PPP2R2B: variants seen among roughly 807,000 people sequenced by gnomAD.
The protein encoded by PPP2R2B is protein phosphatase 2 regulatory subunit Bbeta, also known as serine/threonine-protein phosphatase 2A 55 kDa regulatory subunit B beta isoform.
A neutral mutation model predicts 46.0 loss-of-function variants in PPP2R2B; 5 were observed. The ratio of observed to expected loss-of-function variants is 0.11; its 90% CI spans 0.06 to 0.23. The LOEUF is 0.23. Ranked by LOEUF, PPP2R2B falls within the 10% of genes least tolerant of loss-of-function variation. PPP2R2B has a pLI of 1.00. For synonymous variants in PPP2R2B, 215 were observed against 206.7 expected, an observed-to-expected ratio of 1.04 and a Z score of -0.34; for missense variants, 367 against 575.0, an observed-to-expected ratio of 0.64 and a Z score of 3.70.
chr5:146,867,294 G>A (rs1761366884), intron 2 of PPP2R2B, among the ~76,000 whole-genome samples: 1 of 152,138 alleles, frequency 6.6e-6, no homozygotes, highest in Non-Finnish European at 1.5e-5. Context: ...TTTGTCATTT[G>A]GGGGACAGTT....
intron 2 of PPP2R2B, among the ~76,000 whole-genome samples, chr5:146,779,282 CT>C (rs1755366646): frequency 6.6e-6 from 1 of 152,104 alleles, no homozygotes; most frequent in African/African-American, 2.4e-5. Flanking sequence ...ACTGAAGGGG[CT>C]GGATGCTGGA....
intron 1 of PPP2R2B, among the ~76,000 whole-genome samples, chr5:146,962,651 A>T (rs1010220441): frequency 6.8e-6 from 1 of 146,928 alleles, no homozygotes; most frequent in Non-Finnish European, 1.5e-5. Flanking sequence ...TAAAAATAAT[A>T]AAAAAAAAAC....
chr5:146,758,489 T>C (rs1205007644), intron 2 of PPP2R2B, among the ~76,000 whole-genome samples: 1 of 152,182 alleles, frequency 6.6e-6, no homozygotes, highest in Non-Finnish European at 1.5e-5. Flanking sequence ...CATGATGAAA[T>C]AACAGCAAAT....
intron 7 of PPP2R2B, among the ~76,000 whole-genome samples, chr5:146,637,625 C>T (rs1293128016): frequency 1.3e-5 from 2 of 152,162 alleles, no homozygotes; most frequent in African/African-American, 4.8e-5. Context: ...TGGCTGTTCA[C>T]TCACTTTGAT....
intron 2 of PPP2R2B, among the ~76,000 whole-genome samples, chr5:146,848,847 TCTC>T (rs148946922): frequency 0.13 from 19,412 of 152,144 alleles, 2,310 homozygotes; most frequent in African/African-American, 0.32. Context: ...TGGGAGATTT[TCTC>T]CTCCTCTCCT....
intron 1 of PPP2R2B, among the ~76,000 whole-genome samples, chr5:146,931,255 A>T (rs1763960972): frequency 6.6e-6 from 1 of 152,138 alleles, no homozygotes; most frequent in Non-Finnish European, 1.5e-5. Context: ...TTCCCATCTT[A>T]GTGTTTCTGA....
chr5:147,053,369 T>A (rs1016717947), intron 1 of PPP2R2B, among the ~76,000 whole-genome samples: 1 of 152,186 alleles, frequency 6.6e-6, no homozygotes, highest in Non-Finnish European at 1.5e-5. Context: ...AGCTCTTAAA[T>A]TAGTTCTAGA....
chr5:146,861,523 A>G (rs1302796762), intron 2 of PPP2R2B, among the ~76,000 whole-genome samples: 1 of 152,202 alleles, frequency 6.6e-6, no homozygotes, highest in Non-Finnish European at 1.5e-5. Flanking sequence ...TAAAAGGAAG[A>G]ACTCAGGTGA....
chr5:147,039,449 T>C (rs1450830052), intron 1 of PPP2R2B, among the ~76,000 whole-genome samples: 1 of 152,066 alleles, frequency 6.6e-6, no homozygotes, highest in African/African-American at 2.4e-5. Context: ...CCCAGATAGA[T>C]CCCGGGGGGC....
chr5:146,634,706 G>C (rs149845518), intron 7 of PPP2R2B, among the ~76,000 whole-genome samples: 190 of 151,840 alleles, frequency 1.3e-3, no homozygotes, highest in African/African-American at 4.5e-3. Context: ...GCAGAGCTTG[G>C]GACTTGTCAG....
At chr5:147,013,031 C>A (rs10073446) in intron 1 of PPP2R2B, among the ~76,000 whole-genome samples, 2 of 150,910 alleles carry the variant, frequency 1.3e-5, no homozygotes, top group African/African-American at 2.4e-5. Flanking sequence ...GCAACTTCAG[C>A]AAAGTCTCAG....
rs953249177 is a variant in PPP2R2B, at chr5:147,015,079, A to G, written c.79+40586T>C. Among the ~76,000 whole-genome samples, 6 of 152,072 alleles carry G rather than the reference A, an allele frequency of 3.9e-5. No individual in the cohort carries two copies. In the South Asian group the frequency reaches 1.2e-3, roughly 32 times the overall value. On this transcript the variant is annotated intron_variant, in intron 1 of 8. Coordinates refer to the PPP2R2B transcript ENST00000336640. ...GCAGGTAATTTGTTAATTGTCTTCC[A>G]ACTAGAAGAACTCCAAGAGGGCAGG...
At chr5:146,909,388 C>A (rs1763106831) in intron 1 of PPP2R2B, among the ~76,000 whole-genome samples, 1 of 152,188 alleles carries the variant, frequency 6.6e-6, no homozygotes, top group East Asian at 1.9e-4. Flanking sequence ...TGACCCTTTT[C>A]TTGTCCTAAT....
intron 1 of PPP2R2B, among the ~76,000 whole-genome samples, chr5:146,977,278 G>A (rs1179410285): frequency 6.6e-6 from 1 of 151,956 alleles, no homozygotes; most frequent in Admixed American, 6.6e-5. Flanking sequence ...CCCCAAGCTG[G>A]AATGCAGTGG....
intron 1 of PPP2R2B, among the ~76,000 whole-genome samples, chr5:147,006,571 T>G (rs545780614): frequency 6.6e-6 from 1 of 152,276 alleles, no homozygotes; most frequent in East Asian, 1.9e-4. Context: ...GAAACCAGAA[T>G]AGCAGGTTTA....
chr5:146,652,575 T>C, intron 5 of PPP2R2B, among the ~76,000 whole-genome samples: 1 of 152,080 alleles, frequency 6.6e-6, no homozygotes, highest in East Asian at 1.9e-4. Context: ...ATGTGAAAGA[T>C]GGGTAGGGAT....
chr5:146,749,788 C>T (rs952824379), intron 2 of PPP2R2B, among the ~76,000 whole-genome samples: 14 of 151,666 alleles, frequency 9.2e-5, no homozygotes, highest in African/African-American at 2.7e-4. Context: ...TTAGTAGAGA[C>T]GGGGTTTCAC....
At chr5:146,904,331 A>G (rs1192718878) in intron 1 of PPP2R2B, among the ~76,000 whole-genome samples, 1 of 152,192 alleles carries the variant, frequency 6.6e-6, no homozygotes, top group Non-Finnish European at 1.5e-5. Context: ...TTTATTATAT[A>G]AGAACATTAT....
intron 7 of PPP2R2B, among the ~76,000 whole-genome samples, chr5:146,633,476 G>A (rs1774579051): frequency 6.6e-6 from 1 of 152,228 alleles, no homozygotes; most frequent in Non-Finnish European, 1.5e-5. Context: ...TTTCCCAGCT[G>A]GCAGGAGCTG....
Sources: gnomAD v4.1 joint callset for allele counts (sites outside exome capture counted in the v4.1 genomes callset) on GRCh38, gnomAD v4.1.1 for gene constraint, MANE v1.5 for transcripts, NCBI Gene and HGNC (gene_info 2026-07-23, HGNC 2026-07-21) for gene names.